The following AGBL4 variants were observed in gnomAD, a reference collection of about 807,000 sequenced individuals.
AGBL4 encodes AGBL carboxypeptidase 4.
A neutral mutation model predicts 66.4 loss-of-function variants in AGBL4; 58 were observed. The ratio of observed to expected loss-of-function variants is 0.87; its 90% CI spans 0.71 to 1.09. The LOEUF is 1.09. Ranked by LOEUF, AGBL4 falls within the 50% of genes least tolerant of loss-of-function variation. The probability of loss-of-function intolerance (pLI) is 0.00; values close to 1 mark genes in which losing one functional copy is unlikely to be tolerated. For missense variants in AGBL4, 579 were observed against 631.0 expected, an observed-to-expected ratio of 0.92 and a Z score of 0.88; for synonymous variants, 234 against 222.9, an observed-to-expected ratio of 1.05 and a Z score of -0.44.
In AGBL4 at chr1:49,105,876, T is replaced by C. The variant is rs115567179; in HGVS notation, c.378-60076A>G. Among the ~76,000 whole-genome samples, 1,160 of 152,336 alleles carry C rather than the reference T, an allele frequency of 7.6e-3. 18 individuals carry two copies. Among genetic ancestry groups the C allele is most frequent in the African/African-American group, 0.026 (1,097 of 41,578 alleles). ...TTTTTGATGATAATCCAATTGCTAC[T>C]ACATTCTTTTTCATCTCTTGATTAA... On this transcript the variant is annotated intron_variant, in intron 4 of 13. Coordinates refer to ENST00000371839, the MANE Select transcript of AGBL4 (RefSeq NM_032785.4).
chr1:49,987,946 G>A (rs1329572691), intron 1 of AGBL4, among the ~76,000 whole-genome samples: 6 of 149,480 alleles, frequency 4.0e-5, no homozygotes, highest in African/African-American at 7.4e-5. Flanking sequence ...AAACATGTAC[G>A]AATTTAACCA....
At chr1:49,077,658 C>A (rs1644736081) in intron 4 of AGBL4, among the ~76,000 whole-genome samples, 1 of 151,958 alleles carries the variant, frequency 6.6e-6, no homozygotes, top group African/African-American at 2.4e-5. Flanking sequence ...AACAGTTTTT[C>A]CAAGTCAAGT....
chr1:49,655,323 C>T (rs543462384), intron 3 of AGBL4, among the ~76,000 whole-genome samples: 2 of 152,324 alleles, frequency 1.3e-5, no homozygotes, highest in South Asian at 2.1e-4. Flanking sequence ...GTCTGATGGG[C>T]TTCCCTTTGC....
At chr1:49,603,929 TACACACACACACACACACACACACACAC>T (rs60862640) in intron 3 of AGBL4, among the ~76,000 whole-genome samples, 5 of 140,528 alleles carry the variant, frequency 3.6e-5, no homozygotes, top group African/African-American at 7.9e-5. Context: ...TTCCATGGTA[TACACACACACACACACACACACACACAC>T]ACACACACAC....
At chr1:49,262,200 A>G (rs1450618106) in intron 3 of AGBL4, among the ~76,000 whole-genome samples, 2 of 152,234 alleles carry the variant, frequency 1.3e-5, no homozygotes, top group African/African-American at 2.4e-5. Context: ...CTAAAACCAT[A>G]AAAACCCTAG....
At chr1:48,726,960 G>A (rs1022020267) in intron 6 of AGBL4, among the ~76,000 whole-genome samples, 8 of 152,178 alleles carry the variant, frequency 5.3e-5, no homozygotes, top group Admixed American at 2.0e-4. Flanking sequence ...TAGACGCATC[G>A]GCCCAAAGCC....
intron 2 of AGBL4, among the ~76,000 whole-genome samples, chr1:49,807,181 C>T (rs1258878255): frequency 6.6e-6 from 1 of 152,096 alleles, no homozygotes; most frequent in Admixed American, 6.6e-5. Context: ...GATCCCAGAC[C>T]AGTAGAGCCA....
chr1:49,948,568 TATATATATATATATAGAGAG>T (rs1655762352), intron 1 of AGBL4, among the ~76,000 whole-genome samples: 1 of 70,472 alleles, frequency 1.4e-5, no homozygotes, highest in African/African-American at 4.8e-5. Context: ...TATAAAAATA[TATATATATATATATAGAGAG>T]AGAGAGAGAG....
intron 1 of AGBL4, among the ~76,000 whole-genome samples, chr1:49,879,367 A>G (rs1220680408): frequency 1.4e-5 from 2 of 147,226 alleles, no homozygotes; most frequent in African/African-American, 2.5e-5. Context: ...TGGTGACAAA[A>G]TCTCTCAGCA....
chr1:48,659,101 G>C (rs545347100), intron 7 of AGBL4, among the ~76,000 whole-genome samples: 1 of 152,196 alleles, frequency 6.6e-6, no homozygotes, highest in Non-Finnish European at 1.5e-5. Flanking sequence ...AAGAAGAGCT[G>C]AGAGCTGCCC....
At chr1:49,488,388 A>AT (rs935119738) in intron 3 of AGBL4, among the ~76,000 whole-genome samples, 29 of 151,194 alleles carry the variant, frequency 1.9e-4, no homozygotes, top group South Asian at 2.1e-4. Flanking sequence ...TTTCTCTTGA[A>AT]TTTTTTTATT....
At chr1:49,292,846 T>G (rs907702051) in intron 3 of AGBL4, among the ~76,000 whole-genome samples, 6 of 152,218 alleles carry the variant, frequency 3.9e-5, no homozygotes, top group Admixed American at 1.3e-4. Flanking sequence ...CTGTTCACCT[T>G]GCTTACCCTC....
At chr1:49,627,428 A>T (rs886332569) in intron 3 of AGBL4, among the ~76,000 whole-genome samples, 10 of 152,044 alleles carry the variant, frequency 6.6e-5, no homozygotes, top group African/African-American at 2.4e-4. Context: ...GCCTACTCCC[A>T]TTTATCCAAT....
intron 3 of AGBL4, among the ~76,000 whole-genome samples, chr1:49,561,459 CCCCCCAA>C (rs1458828128): frequency 6.6e-6 from 1 of 151,620 alleles, no homozygotes; most frequent in Non-Finnish European, 1.5e-5. Flanking sequence ...CGTCCCCCCT[CCCCCCAA>C]CCCACAACAG....
intron 3 of AGBL4, among the ~76,000 whole-genome samples, chr1:49,299,052 AC>A (rs900225593): frequency 1.3e-5 from 2 of 152,132 alleles, no homozygotes; most frequent in African/African-American, 4.8e-5. Context: ...TTATTGTGTA[AC>A]ACGCCATAAT....
intron 2 of AGBL4, chr1:49,845,829 G>A (rs538937042): frequency 1.0e-4 from 154 of 1,497,764 alleles, no homozygotes; most frequent in South Asian, 8.8e-4. Context: ...GAGAGAAGCC[G>A]TTCGACTGCA....
chr1:48,531,442 G>C (rs74075889), downstream of AGBL4, among the ~76,000 whole-genome samples: 5,970 of 152,192 alleles, frequency 0.039, 376 homozygotes, highest in African/African-American at 0.13. Flanking sequence ...TAGAGAGGGA[G>C]TCCCCTCTAT....
chr1:49,287,889 A>T (rs1302089538), intron 3 of AGBL4, among the ~76,000 whole-genome samples: 1 of 137,236 alleles, frequency 7.3e-6, no homozygotes, highest in Non-Finnish European at 1.6e-5. Context: ...ACTATAAATC[A>T]TGCTGCTATA....
At chr1:49,336,057 A>G (rs773437073) in intron 3 of AGBL4, among the ~76,000 whole-genome samples, 1 of 152,108 alleles carries the variant, frequency 6.6e-6, no homozygotes, top group Non-Finnish European at 1.5e-5. Flanking sequence ...TCACACATTT[A>G]TGGAGACTTA....
Sources: allele counts gnomAD v4.1 joint callset (sites outside exome capture counted in the v4.1 genomes callset), GRCh38; gene constraint gnomAD v4.1.1; transcripts MANE v1.5; gene names NCBI Gene and HGNC (gene_info 2026-07-23, HGNC 2026-07-21).